The following NBEA variants were observed in gnomAD, a reference collection of about 807,000 sequenced individuals.
NBEA encodes neurobeachin.
A neutral mutation model predicts 343.4 loss-of-function variants in NBEA; 44 were observed. The ratio of observed to expected loss-of-function variants is 0.13; its 90% CI spans 0.10 to 0.16. NBEA has a LOEUF of 0.16. Ranked by LOEUF, NBEA falls within the 10% of genes least tolerant of loss-of-function variation. The pLI is 1.00. For synonymous variants in NBEA, 1,175 were observed against 1,238.7 expected (o/e 0.95, Z 1.08); for missense variants, 2,555 against 3,631.3 (o/e 0.70, Z 7.62).
At chr13:35,071,188 C>T (rs1276563488) in intron 10 of NBEA, among the ~76,000 whole-genome samples, 1 of 151,860 alleles carries the variant, frequency 6.6e-6, no homozygotes, top group African/African-American at 2.4e-5. Context: ...GACCATGAAA[C>T]CCTGTCAGGT....
intron 48 of NBEA, among the ~76,000 whole-genome samples, chr13:35,613,316 G>C (rs2082602423): frequency 6.7e-6 from 1 of 150,176 alleles, no homozygotes; most frequent in Non-Finnish European, 1.5e-5. Flanking sequence ...CTCTGTGCCT[G>C]GCCTATTTTA....
chr13:35,664,196 A>G (rs2085241423), intron 55 of NBEA, among the ~76,000 whole-genome samples: 2 of 152,116 alleles, frequency 1.3e-5, no homozygotes, highest in Non-Finnish European at 2.9e-5. Context: ...ATTCAGGGGG[A>G]GGTGCATCTG....
rs552139473 is a variant in NBEA at position 35,503,578 on chromosome 13, G to T, written c.6585+31042G>T. ...TCTATTTTAAATACTGTATAATTTT[G>T]TAAATACTCTTTTGTATACTTGTTC... On this transcript the variant is annotated intron_variant, in intron 41 of 58. Coordinates refer to ENST00000379939, the MANE Select transcript of NBEA (RefSeq NM_001385012.1). Among the ~76,000 whole-genome samples the T allele has an allele frequency of 8.6e-5, 13 of 151,804 alleles. No homozygotes were observed. In the East Asian group the frequency reaches 2.5e-3, roughly 29 times the overall value.
intron 40 of NBEA, among the ~76,000 whole-genome samples, chr13:35,468,396 A>G (rs2075491379): frequency 6.6e-6 from 1 of 152,220 alleles, no homozygotes; most frequent in Non-Finnish European, 1.5e-5. Flanking sequence ...TACCACAAAA[A>G]TACCAGACAT....
intron 47 of NBEA, among the ~76,000 whole-genome samples, chr13:35,594,097 A>G (rs1036760951): frequency 5.9e-5 from 9 of 152,128 alleles, no homozygotes; most frequent in African/African-American, 2.2e-4. Flanking sequence ...ATTGTATTCA[A>G]AGCAATAATA....
At chr13:35,365,220 A>T (rs780552665) in intron 38 of NBEA, among the ~76,000 whole-genome samples, 2 of 151,836 alleles carry the variant, frequency 1.3e-5, no homozygotes, top group Non-Finnish European at 2.9e-5. Flanking sequence ...CCTAATACAT[A>T]GATTAGAATT....
chr13:35,560,398 G>A (rs1177828755), intron 44 of NBEA, among the ~76,000 whole-genome samples: 2 of 152,046 alleles, frequency 1.3e-5, no homozygotes, highest in Non-Finnish European at 1.5e-5. Flanking sequence ...TTTATTTACT[G>A]TCATGACTTT....
At chr13:35,444,326 A>G (rs1473014606) in intron 39 of NBEA, among the ~76,000 whole-genome samples, 2 of 152,002 alleles carry the variant, frequency 1.3e-5, no homozygotes, top group Non-Finnish European at 2.9e-5. Context: ...AGAGTTACTA[A>G]AAGCACTGGT....
At chr13:35,052,893 A>T (rs1309278658) in intron 6 of NBEA, among the ~76,000 whole-genome samples, 1 of 151,866 alleles carries the variant, frequency 6.6e-6, no homozygotes, top group Non-Finnish European at 1.5e-5. Context: ...ATTTTTCTGT[A>T]TTAATTATCT....
At chr13:35,403,380 A>G (rs530564338) in intron 38 of NBEA, among the ~76,000 whole-genome samples, 1 of 152,182 alleles carries the variant, frequency 6.6e-6, no homozygotes, top group South Asian at 2.1e-4. Context: ...TAAGAGTGTC[A>G]AGGTATAAAT....
At chr13:35,506,959 T>C (rs905981994) in intron 41 of NBEA, among the ~76,000 whole-genome samples, 4 of 152,134 alleles carry the variant, frequency 2.6e-5, no homozygotes, top group Middle Eastern at 3.2e-3. Context: ...CCTGTTAATT[T>C]TTCCCCTTCT....
chr13:35,469,671 GTGATTGGGA>G (rs1170492618), intron 40 of NBEA, among the ~76,000 whole-genome samples: 1 of 152,156 alleles, frequency 6.6e-6, no homozygotes, highest in Non-Finnish European at 1.5e-5. Context: ...TGCTATAGTA[GTGATTGGGA>G]TGAATATATT....
intron 38 of NBEA, among the ~76,000 whole-genome samples, chr13:35,390,439 C>A (rs893090773): frequency 1.3e-5 from 2 of 152,106 alleles, no homozygotes; most frequent in Admixed American, 1.3e-4. Flanking sequence ...CCTGTTCTTT[C>A]CCAAACTGGA....
intron 41 of NBEA, among the ~76,000 whole-genome samples, chr13:35,547,576 TAAGAAATAAAGA>T (rs2079119229): frequency 6.6e-6 from 1 of 152,062 alleles, no homozygotes; most frequent in South Asian, 2.1e-4. Context: ...GACTGGCTAG[TAAGAAATAAAGA>T]TAACTCTAAA....
intron 39 of NBEA, among the ~76,000 whole-genome samples, chr13:35,447,802 G>T (rs1251877469): frequency 6.6e-6 from 1 of 152,150 alleles, no homozygotes; most frequent in Non-Finnish European, 1.5e-5. Flanking sequence ...AGTGCACTCA[G>T]TCCAACATGT....
rs549739876 is a variant in NBEA at position 35,434,182 on chromosome 13, T to A, written c.6304+1789T>A. Among the ~76,000 whole-genome samples, 9 of 152,242 alleles carry A rather than the reference T, an allele frequency of 5.9e-5. No homozygotes were observed. The South Asian group carries it at 1.2e-3, about 21-fold the overall frequency. On this transcript the variant is annotated intron_variant, in intron 39 of 58. Coordinates refer to ENST00000379939, the MANE Select transcript of NBEA (RefSeq NM_001385012.1). ...TTTCTAATAAACCAGTGTCAAAGCC[T>A]ATAAGAAACAAAATTTAAAATCTTT...
chr13:35,175,364 C>A (rs2070810172), intron 27 of NBEA, among the ~76,000 whole-genome samples: 1 of 151,946 alleles, frequency 6.6e-6, no homozygotes, highest in South Asian at 2.1e-4. Flanking sequence ...TGATTTGTTC[C>A]CCTGTCTAGC....
intron 34 of NBEA, among the ~76,000 whole-genome samples, chr13:35,234,033 T>G (rs1212106576): frequency 6.6e-6 from 1 of 152,242 alleles, no homozygotes; most frequent in South Asian, 2.1e-4. Context: ...AGTCAGTACA[T>G]TGGCCCTAAA....
rs185660431 is a variant in NBEA at position 35,503,315 on chromosome 13, T to C, written c.6585+30779T>C. ...GCCCAGAGATAAGAATTTAAAATAC[T>C]ATACATTTTCAATGTATCTGTCTAC... On this transcript the variant is annotated intron_variant, in intron 41 of 58. Coordinates refer to ENST00000379939, the MANE Select transcript of NBEA (RefSeq NM_001385012.1). Among the ~76,000 whole-genome samples the C allele has an allele frequency of 2.2e-3, 331 of 152,004 alleles. 2 individuals are homozygous for C. The highest frequency in any genetic ancestry group is 3.2e-3 in the Non-Finnish European group (214 of 67,894).
Sources: allele counts gnomAD v4.1 joint callset (sites outside exome capture counted in the v4.1 genomes callset), GRCh38; gene constraint gnomAD v4.1.1; transcripts MANE v1.5; gene names NCBI Gene and HGNC (gene_info 2026-07-23, HGNC 2026-07-21).